DAB1: variants seen among roughly 807,000 people sequenced by gnomAD.
The protein encoded by DAB1 is disabled homolog 1.
A neutral mutation model predicts 64.6 loss-of-function variants in DAB1; 15 were observed. That is an observed-to-expected ratio of 0.23 (90% CI 0.16 to 0.36). DAB1 has a LOEUF of 0.36. Among genes scored for constraint, DAB1 ranks in the 10% least tolerant of loss-of-function variants. The pLI, the probability that DAB1 is intolerant of heterozygous loss-of-function variation, is 1.00. For missense variants in DAB1, 596 were observed against 706.7 expected, an observed-to-expected ratio of 0.84 and a Z score of 1.78; for synonymous variants, 235 against 251.9, an observed-to-expected ratio of 0.93 and a Z score of 0.64.
At chr1:57,229,679 G>A (rs933753900) in intron 2 of DAB1, among the ~76,000 whole-genome samples, 1 of 152,152 alleles carries the variant, frequency 6.6e-6, no homozygotes, top group African/African-American at 2.4e-5. Context: ...TTACTGGTTT[G>A]CAAGTGAGAC....
intron 5 of DAB1, among the ~76,000 whole-genome samples, chr1:58,149,312 T>C (rs1654790622): frequency 6.6e-6 from 1 of 152,150 alleles, no homozygotes; most frequent in African/African-American, 2.4e-5. Context: ...TGTTGATTAT[T>C]ATCATATAAT....
intron 4 of DAB1, among the ~76,000 whole-genome samples, chr1:57,083,324 T>C (rs147197798): frequency 1.9e-3 from 285 of 152,350 alleles, no homozygotes; most frequent in South Asian, 0.012. Context: ...AAATGTACTT[T>C]AATGGCCTAT....
intron 6 of DAB1, among the ~76,000 whole-genome samples, chr1:57,658,987 C>T (rs1646351840): frequency 6.6e-6 from 1 of 152,172 alleles, no homozygotes; most frequent in Non-Finnish European, 1.5e-5. Context: ...CTTCTGTTCC[C>T]TGGGAACCCC....
intron 5 of DAB1, among the ~76,000 whole-genome samples, chr1:58,070,002 A>G (rs1649132857): frequency 6.6e-6 from 1 of 152,150 alleles, no homozygotes; most frequent in African/African-American, 2.4e-5. Context: ...CAGCTATCCC[A>G]GCCCAGAGAT....
intron 6 of DAB1, among the ~76,000 whole-genome samples, chr1:57,772,513 T>C (rs1649607704): frequency 6.6e-6 from 1 of 152,126 alleles, no homozygotes; most frequent in Non-Finnish European, 1.5e-5. Flanking sequence ...TAAAGATATA[T>C]GTTTTTATTT....
intron 3 of DAB1, among the ~76,000 whole-genome samples, chr1:58,487,864 A>G (rs1021951740): frequency 6.6e-6 from 1 of 152,148 alleles, no homozygotes; most frequent in African/African-American, 2.4e-5. Context: ...ACTAAAAATA[A>G]CATTCTCCCA....
intron 4 of DAB1, among the ~76,000 whole-genome samples, chr1:58,320,680 C>G (rs1203074979): frequency 1.3e-5 from 2 of 152,212 alleles, no homozygotes; most frequent in Non-Finnish European, 2.9e-5. Context: ...ACTAATTATT[C>G]AAGGCCTGGT....
intron 5 of DAB1, among the ~76,000 whole-genome samples, chr1:58,126,972 C>T (rs1191871983): frequency 6.7e-6 from 1 of 148,676 alleles, no homozygotes; most frequent in Admixed American, 6.7e-5. Flanking sequence ...GGGTATATAC[C>T]CAGTAATGGG....
intron 7 of DAB1, among the ~76,000 whole-genome samples, chr1:57,446,357 G>T (rs1467395800): frequency 6.6e-6 from 1 of 152,064 alleles, no homozygotes; most frequent in South Asian, 2.1e-4. Flanking sequence ...CAGCACTTTG[G>T]GAGGCTGAGG....
At chr1:57,499,161 AC>A (rs1250420619) in intron 7 of DAB1, among the ~76,000 whole-genome samples, 1 of 152,090 alleles carries the variant, frequency 6.6e-6, no homozygotes, top group Non-Finnish European at 1.5e-5. Flanking sequence ...ATTTTAGTAG[AC>A]ACATGGTTTC....
chr1:58,464,644 AG>A (rs1389633859), intron 3 of DAB1, among the ~76,000 whole-genome samples: 4 of 152,226 alleles, frequency 2.6e-5, no homozygotes, highest in Non-Finnish European at 1.5e-5. Flanking sequence ...TATAACACAA[AG>A]ATATAGCACT....
At chr1:57,624,636 G>A (rs566999712) in intron 7 of DAB1, among the ~76,000 whole-genome samples, 2 of 152,292 alleles carry the variant, frequency 1.3e-5, no homozygotes, top group East Asian at 1.9e-4. Flanking sequence ...TAGAAAAGAT[G>A]ACATTATGCA....
At chr1:57,563,177 G>C (rs1045646591) in intron 7 of DAB1, among the ~76,000 whole-genome samples, 1 of 152,120 alleles carries the variant, frequency 6.6e-6, no homozygotes, top group Admixed American at 6.5e-5. Flanking sequence ...AGAAGAAGGC[G>C]GTCATCAATA....
intron 3 of DAB1, among the ~76,000 whole-genome samples, chr1:57,142,325 T>G (rs956219874): frequency 6.6e-6 from 1 of 152,070 alleles, no homozygotes; most frequent in Non-Finnish European, 1.5e-5. Flanking sequence ...GGGTAAGAGG[T>G]ATTTTGTACT....
At chr1:58,429,965 C>T (rs1276200819) in intron 3 of DAB1, among the ~76,000 whole-genome samples, 6 of 152,288 alleles carry the variant, frequency 3.9e-5, no homozygotes, top group Admixed American at 3.9e-4. Flanking sequence ...CACAGGGCAT[C>T]CCCCAGGTCT....
chr1:57,765,149 C>G (rs1438763644), intron 6 of DAB1, among the ~76,000 whole-genome samples: 4 of 152,026 alleles, frequency 2.6e-5, no homozygotes, highest in Non-Finnish European at 4.4e-5. Context: ...GACTATGAAC[C>G]ATGAAGAAGA....
At chr1:57,645,056 A>T (rs1646175954) in intron 7 of DAB1, among the ~76,000 whole-genome samples, 1 of 152,074 alleles carries the variant, frequency 6.6e-6, no homozygotes, top group African/African-American at 2.4e-5. Flanking sequence ...ACAGGCCCAC[A>T]TGCTGCTTCA....
At chr1:57,932,938 G>A (rs1644974179) in intron 5 of DAB1, among the ~76,000 whole-genome samples, 1 of 152,138 alleles carries the variant, frequency 6.6e-6, no homozygotes, top group African/African-American at 2.4e-5. Flanking sequence ...GTTAGACTCT[G>A]GTTAAACGGT....
At chr1:57,014,613 C>T (rs1458048792) in intron 12 of DAB1, among the ~76,000 whole-genome samples, 2 of 152,212 alleles carry the variant, frequency 1.3e-5, no homozygotes, top group African/African-American at 4.8e-5. Flanking sequence ...CTTTGAGCCT[C>T]ACTTTCATTA....
Sources: gnomAD v4.1 joint callset for allele counts (sites outside exome capture counted in the v4.1 genomes callset) on GRCh38, gnomAD v4.1.1 for gene constraint, MANE v1.5 for transcripts, NCBI Gene and HGNC (gene_info 2026-07-23, HGNC 2026-07-21) for gene names.